The following PCNX1 variants were observed in gnomAD, a reference collection of about 807,000 sequenced individuals.
The protein encoded by PCNX1 is pecanex-like protein 1.
A neutral mutation model predicts 242.2 loss-of-function variants in PCNX1; 78 were observed. That is an observed-to-expected ratio of 0.32 (90% CI 0.27 to 0.39). PCNX1 has a LOEUF of 0.39. Ranked by LOEUF, PCNX1 falls within the 10% of genes least tolerant of loss-of-function variation. PCNX1 has a pLI of 1.00. For synonymous variants in PCNX1, 1,024 were observed against 1,032.9 expected (o/e 0.99, Z 0.17); for missense variants, 2,581 against 2,856.5 (o/e 0.90, Z 2.20).
chr14:70,968,033 G>A (rs914843776), intron 3 of PCNX1, among the ~76,000 whole-genome samples, 165 bp from the exon 4 acceptor site: 14 of 152,154 alleles, frequency 9.2e-5, no homozygotes, highest in African/African-American at 1.2e-4. Context: ...AACAGGTTGC[G>A]TGGCTCCAAT....
At chr14:71,023,328 C>G in intron 13 of PCNX1, 96 bp downstream of exon 13, 1 of 876,904 alleles carries the variant, frequency 1.1e-6, no homozygotes, top group East Asian at 2.4e-5. Flanking sequence ...GTTTGGAATG[C>G]ATCAGCCTGA....
intron 1 of PCNX1, among the ~76,000 whole-genome samples, chr14:70,942,198 T>C (rs796427285): frequency 2.4e-4 from 36 of 152,316 alleles, no homozygotes; most frequent in African/African-American, 8.4e-4. Context: ...TCACCTGTCT[T>C]CTGCATCGCT....
At chr14:70,949,348 C>T (rs1288155354) in intron 2 of PCNX1, among the ~76,000 whole-genome samples, 2 of 148,104 alleles carry the variant, frequency 1.4e-5, no homozygotes, top group Non-Finnish European at 3.0e-5. Flanking sequence ...TGCATACACG[C>T]ACGTGCATAT....
intron 11 of PCNX1, 114 bp downstream of exon 11, chr14:71,013,316 G>A: frequency 1.2e-6 from 1 of 853,080 alleles, no homozygotes; most frequent in Non-Finnish European, 2.0e-6. Flanking sequence ...ATGTTTTCTG[G>A]TTTTGTCCTC....
chr14:70,985,957 AAG>A (rs58658345), intron 6 of PCNX1, among the ~76,000 whole-genome samples: 10,516 of 152,232 alleles, frequency 0.069, 476 homozygotes, highest in East Asian at 0.27. Flanking sequence ...ACAATTCAAA[AAG>A]AGTTTATTAC....
intron 35 of PCNX1, 61 bp from the exon 36 acceptor site, chr14:71,109,734 G>T: frequency 1.9e-6 from 3 of 1,586,174 alleles, no homozygotes; most frequent in Non-Finnish European, 2.6e-6. Flanking sequence ...GTAGGGGTAA[G>T]AGTTTGTGAG....
intron 1 of PCNX1, among the ~76,000 whole-genome samples, chr14:70,912,376 G>A (rs1207181686): frequency 6.6e-6 from 1 of 152,082 alleles, no homozygotes; most frequent in African/African-American, 2.4e-5. Context: ...CTGGAGTGTG[G>A]CCTATTGATT....
intron 25 of PCNX1, among the ~76,000 whole-genome samples, chr14:71,056,888 C>T (rs2286310): frequency 0.36 from 54,183 of 151,640 alleles, 9,910 homozygotes; most frequent in East Asian, 0.61. Flanking sequence ...CATGTTGGCC[C>T]AGGTTAGTCT....
At chr14:70,927,755 A>C (rs2056646717) in intron 1 of PCNX1, among the ~76,000 whole-genome samples, 1 of 151,812 alleles carries the variant, frequency 6.6e-6, no homozygotes, top group Admixed American at 6.6e-5. Context: ...AAGTCTCGCT[A>C]ATTTTTATAT....
intron 27 of PCNX1, among the ~76,000 whole-genome samples, chr14:71,075,279 C>T (rs2061688598): frequency 6.6e-6 from 1 of 152,116 alleles, no homozygotes; most frequent in South Asian, 2.1e-4. Flanking sequence ...GTGTGAGCCG[C>T]CATCCCCAGC....
At chr14:70,939,415 G>T (rs941387601) in intron 1 of PCNX1, among the ~76,000 whole-genome samples, 1 of 152,210 alleles carries the variant, frequency 6.6e-6, no homozygotes, top group South Asian at 2.1e-4. Flanking sequence ...GGAGCAGGTT[G>T]TACAGTTTCC....
intron 11 of PCNX1, among the ~76,000 whole-genome samples, chr14:71,015,793 G>A (rs2059947603): frequency 6.6e-6 from 1 of 152,056 alleles, no homozygotes; most frequent in Non-Finnish European, 1.5e-5. Flanking sequence ...GAGACAAATA[G>A]GAAACACATG....
intron 1 of PCNX1, among the ~76,000 whole-genome samples, chr14:70,941,480 C>T (rs1382045938): frequency 1.3e-5 from 2 of 152,196 alleles, no homozygotes; most frequent in African/African-American, 2.4e-5. Flanking sequence ...CTGCTTGATC[C>T]TTCCTCTGGA....
intron 3 of PCNX1, among the ~76,000 whole-genome samples, chr14:70,963,337 T>G (rs1056289559): frequency 3.3e-5 from 5 of 152,220 alleles, no homozygotes; most frequent in Non-Finnish European, 7.3e-5. Context: ...TTTTCCTCTT[T>G]TTTTCTTCTG....
chr14:71,098,547 T>TGAGAGA (rs528643008), intron 30 of PCNX1, among the ~76,000 whole-genome samples: 1,319 of 126,044 alleles, frequency 0.01, 14 homozygotes, highest in African/African-American at 0.038. Context: ...TGTGTGTGTG[T>TGAGAGA]GTGTGTGAGA....
chr14:70,948,758 C>T (rs1253341882), intron 2 of PCNX1, among the ~76,000 whole-genome samples: 2 of 144,856 alleles, frequency 1.4e-5, no homozygotes, highest in South Asian at 2.2e-4. Context: ...CATATATGTA[C>T]ATATACACAT....
intron 15 of PCNX1, among the ~76,000 whole-genome samples, chr14:71,028,290 G>A (rs2060291330): frequency 6.6e-6 from 1 of 151,868 alleles, no homozygotes; most frequent in Admixed American, 6.6e-5. Flanking sequence ...ATTTACTTCT[G>A]GGGGTAACAC....
intron 1 of PCNX1, among the ~76,000 whole-genome samples, chr14:70,943,430 A>G (rs2057336924): frequency 1.3e-5 from 2 of 152,236 alleles, no homozygotes; most frequent in Admixed American, 6.5e-5. Context: ...GCTATGCTTT[A>G]TTAGCAAAGA....
intron 2 of PCNX1, among the ~76,000 whole-genome samples, chr14:70,948,001 A>G (rs2057528295): frequency 6.6e-6 from 1 of 152,070 alleles, no homozygotes. Context: ...GCTTGTTAGG[A>G]TTGGGAAATT....
Sources: allele counts gnomAD v4.1 joint callset (sites outside exome capture counted in the v4.1 genomes callset), GRCh38; gene constraint gnomAD v4.1.1; transcripts MANE v1.5; gene names NCBI Gene and HGNC (gene_info 2026-07-23, HGNC 2026-07-21).